The following ZNF474 variants were observed in gnomAD, a reference collection of about 807,000 sequenced individuals.
ZNF474 encodes the protein zinc finger protein 474, also known as 4933409D10Rik.
For synonymous variants in ZNF474, 192 were observed against 162.2 expected (o/e 1.18, Z -1.39); for missense variants, 511 against 433.8 (o/e 1.18, Z -1.58).
At chr5:122,139,480 C>T (rs1755782651) in intron 1 of ZNF474, among the ~76,000 whole-genome samples, 1 of 152,076 alleles carries the variant, frequency 6.6e-6, no homozygotes, top group South Asian at 2.1e-4. Context: ...AGATTTGTGA[C>T]CTAAAAAATT....
chr5:122,132,641 G>T (rs6896016), intron 1 of ZNF474, among the ~76,000 whole-genome samples: 84 of 152,060 alleles, frequency 5.5e-4, no homozygotes, highest in African/African-American at 1.9e-3. Context: ...TTAGTTCCAT[G>T]ATCCATCTTG....
chr5:122,137,828 T>C lies in ZNF474; in HGVS notation c.-213+8145T>C, dbSNP rs186269175. 1.6e-4 allele frequency among the ~76,000 whole-genome samples: 25 copies of C among 152,318 alleles called. 1 individual carries two copies. The highest frequency in any genetic ancestry group is 5.8e-4 in the African/African-American group (24 of 41,560). On this transcript the variant is annotated intron_variant, in intron 1 of 1. Coordinates refer to ENST00000296600, the MANE Select transcript of ZNF474 (RefSeq NM_207317.3). Reference sequence around the variant, plus strand: ...AGCAGTCAGTCAGCAGAGGTTTAAGTTGTGATTGTAGCTTAAGGAGTTAAA... The same window carrying C: ...AGCAGTCAGTCAGCAGAGGTTTAAGCTGTGATTGTAGCTTAAGGAGTTAAA...
chr5:122,151,917 T>C lies in ZNF474; in HGVS notation c.-74T>C. The C allele has an allele frequency of 6.6e-7, 1 of 1,523,196 alleles. No individual in the cohort carries two copies. The highest frequency in any genetic ancestry group is 8.7e-7 in the Non-Finnish European group (1 of 1,145,482). 94.4% of individuals were successfully genotyped at this position (1,523,196 alleles called of 1,614,324 possible). On this transcript the variant is annotated 5_prime_UTR_variant, in exon 2 of 2. Coordinates refer to ENST00000296600, the MANE Select transcript of ZNF474 (RefSeq NM_207317.3). ...CCCAGGACAACTAACCTCACTAACC[T>C]TCACTCTAAGCAGAAGCCCAAAGTG... is the stretch of plus-strand genomic sequence containing the variant.
intron 1 of ZNF474, among the ~76,000 whole-genome samples, chr5:122,142,245 A>G (rs1287666251): frequency 6.6e-6 from 1 of 152,216 alleles, no homozygotes; most frequent in Non-Finnish European, 1.5e-5. Flanking sequence ...GAAGATGGGA[A>G]AAAAGACCCT....
chr5:122,150,962 C>G (rs897259351), intron 1 of ZNF474, among the ~76,000 whole-genome samples: 2 of 152,172 alleles, frequency 1.3e-5, no homozygotes, highest in African/African-American at 2.4e-5. Flanking sequence ...CTAGGCTGTA[C>G]TCTTTGCTGG....
intron 1 of ZNF474, among the ~76,000 whole-genome samples, chr5:122,137,627 A>T (rs1755736283): frequency 6.6e-6 from 1 of 151,984 alleles, no homozygotes; most frequent in South Asian, 2.1e-4. Context: ...AGTCTACCCC[A>T]AAGTAAGAGA....
rs949661912 is a variant in ZNF474, at chr5:122,152,126, G to A, written c.136G>A (p.Glu46Lys). 6.2e-7 allele frequency: 1 copy of A among 1,614,182 alleles called. No homozygotes were observed. Among genetic ancestry groups the A allele is most frequent in the Non-Finnish European group, 8.5e-7 (1 of 1,180,026 alleles). Residue 46 changes from glutamate to lysine, a missense_variant, in exon 2 of 2, where the codon GAG becomes AAG. Glu to Lys is a moderately conservative substitution (Grantham distance 56). Transcript: ENST00000296600. ...CTATTCTAGCCTTTCCCCAGAAACA[G>A]AGAGTGTTAATCCTGGTGAAAATAT... is the stretch of plus-strand genomic sequence containing the variant. Reference protein sequence around the residue: ...DSYSSLSPETESVNPGENIKT... With the variant: ...DSYSSLSPETKSVNPGENIKT...
At chr5:122,145,746 C>T (rs1420169402) in intron 1 of ZNF474, among the ~76,000 whole-genome samples, 1 of 152,084 alleles carries the variant, frequency 6.6e-6, no homozygotes, top group Admixed American at 6.5e-5. Context: ...AGATAAGCAT[C>T]TTATTTTGTA....
intron 1 of ZNF474, among the ~76,000 whole-genome samples, chr5:122,145,900 G>A (rs1048950033): frequency 6.6e-6 from 1 of 151,920 alleles, no homozygotes; most frequent in African/African-American, 2.4e-5. Flanking sequence ...ACTTAGAAGA[G>A]GCACCCTATG....
In ZNF474 at chr5:122,148,541, G is replaced by A. The variant is rs542674539; in HGVS notation, c.-212-3238G>A. Among the ~76,000 whole-genome samples, 3 of 152,138 alleles carry A rather than the reference G, an allele frequency of 2.0e-5. No homozygotes were observed. In the South Asian group the frequency reaches 6.2e-4, roughly 32 times the overall value. On this transcript the variant is annotated intron_variant, in intron 1 of 1. Coordinates refer to ENST00000296600, the MANE Select transcript of ZNF474 (RefSeq NM_207317.3). The stretch of plus-strand genomic sequence containing the variant: ...GGGGCAGCCTTCACTTTTACCCTGT[G>A]CCCATGATCAAGACAGACAAAACAC...
At chr5:122,137,947 G>T (rs928758581) in intron 1 of ZNF474, among the ~76,000 whole-genome samples, 1 of 152,220 alleles carries the variant, frequency 6.6e-6, no homozygotes, top group Non-Finnish European at 1.5e-5. Flanking sequence ...AGGCGCACCC[G>T]TTCACCTGCC....
At chr5:122,137,844 A>G (rs1004605311) in intron 1 of ZNF474, among the ~76,000 whole-genome samples, 1 of 152,242 alleles carries the variant, frequency 6.6e-6, no homozygotes, top group African/African-American at 2.4e-5. Flanking sequence ...TTGTAGCTTA[A>G]GGAGTTAAAT....
chr5:122,130,231 A>T (rs1201653545), intron 1 of ZNF474, among the ~76,000 whole-genome samples: 2 of 152,118 alleles, frequency 1.3e-5, no homozygotes, highest in Admixed American at 6.6e-5. Context: ...CTTAAATTCA[A>T]GTTTCTAAAA....
At chr5:122,151,573 G>A (rs1756172034) in intron 1 of ZNF474, among the ~76,000 whole-genome samples, 1 of 152,030 alleles carries the variant, frequency 6.6e-6, no homozygotes, top group African/African-American at 2.4e-5. Context: ...GATGATGGAA[G>A]ATTTCCTCAG....
intron 1 of ZNF474, among the ~76,000 whole-genome samples, chr5:122,144,391 T>C (rs879491959): frequency 2.6e-5 from 4 of 152,072 alleles, no homozygotes; most frequent in Non-Finnish European, 4.4e-5. Context: ...ATTGGAAGAG[T>C]AAAGGCTGGC....
At chr5:122,130,586 T>C (rs934891110) in intron 1 of ZNF474, among the ~76,000 whole-genome samples, 1 of 152,194 alleles carries the variant, frequency 6.6e-6, no homozygotes, top group Non-Finnish European at 1.5e-5. Context: ...TTACATTGAT[T>C]GGTAGTTTGT....
chr5:122,138,139 AG>A (rs1447575989), intron 1 of ZNF474, among the ~76,000 whole-genome samples: 2 of 152,250 alleles, frequency 1.3e-5, no homozygotes, highest in Non-Finnish European at 2.9e-5. Context: ...TAAAATGCAA[AG>A]GCAGAAAATA....
chr5:122,142,234 A>G (rs1333554664), intron 1 of ZNF474, among the ~76,000 whole-genome samples: 1 of 152,240 alleles, frequency 6.6e-6, no homozygotes, highest in Non-Finnish European at 1.5e-5. Flanking sequence ...AATAGAACAC[A>G]GAAGATGGGA....
At chr5:122,144,870 A>G (rs1349173213) in intron 1 of ZNF474, among the ~76,000 whole-genome samples, 1 of 152,216 alleles carries the variant, frequency 6.6e-6, no homozygotes, top group Admixed American at 6.5e-5. Flanking sequence ...TATTACAATT[A>G]TATGATCATA....
Sources: allele counts gnomAD v4.1 joint callset (sites outside exome capture counted in the v4.1 genomes callset), GRCh38; gene constraint gnomAD v4.1.1; transcripts MANE v1.5; gene names NCBI Gene and HGNC (gene_info 2026-07-23, HGNC 2026-07-21).